MED12L: variants seen among roughly 807,000 people sequenced by gnomAD.
MED12L encodes the protein mediator complex subunit 12L.
MED12L carries 60 observed loss-of-function variants against 281.3 expected under a neutral mutation model. That is an observed-to-expected ratio of 0.21 (90% CI 0.17 to 0.26). The LOEUF (loss-of-function observed/expected upper bound fraction) is 0.26, where lower values mean the gene tolerates loss of function less well. Ranked by LOEUF, MED12L falls within the 10% of genes least tolerant of loss-of-function variation. The pLI is 1.00. For synonymous variants in MED12L, 974 were observed against 987.2 expected (o/e 0.99, Z 0.25); for missense variants, 2,146 against 2,680.9 (o/e 0.80, Z 4.41).
At chr3:151,327,946 A>G (rs1749847733) in intron 16 of MED12L, 2 of 1,332,064 alleles carry the variant, frequency 1.5e-6, no homozygotes, top group Non-Finnish European at 2.0e-6. Context: ...CACATTATCT[A>G]CGGAAGTCTC....
chr3:151,353,899 T>C (rs982528524), intron 17 of MED12L, among the ~76,000 whole-genome samples: 1 of 152,158 alleles, frequency 6.6e-6, no homozygotes, highest in African/African-American at 2.4e-5. Flanking sequence ...CCCAGCACTT[T>C]GGGAGGCCGA....
At chr3:151,376,967 C>T (rs368679087) in intron 29 of MED12L, 24 bp from the exon 30 acceptor site, 1 of 1,611,224 alleles carries the variant, frequency 6.2e-7, no homozygotes, top group Non-Finnish European at 8.5e-7. Flanking sequence ...ACATATGTGC[C>T]AGTATTCTTA....
At chr3:151,114,192 T>C (rs1241970134) in intron 2 of MED12L, among the ~76,000 whole-genome samples, 1 of 152,194 alleles carries the variant, frequency 6.6e-6, no homozygotes, top group African/African-American at 2.4e-5. Context: ...TATTTGAAAA[T>C]GTAGGAGCAG....
At chr3:151,196,151 A>G (rs1162733174) in intron 16 of MED12L, among the ~76,000 whole-genome samples, 2 of 152,224 alleles carry the variant, frequency 1.3e-5, no homozygotes, top group African/African-American at 4.8e-5. Flanking sequence ...AAGAGCTTAA[A>G]TGATTTTCAG....
intron 5 of MED12L, among the ~76,000 whole-genome samples, chr3:151,140,338 A>G (rs900327504): frequency 1.2e-4 from 18 of 152,234 alleles, no homozygotes; most frequent in Non-Finnish European, 2.2e-4. Flanking sequence ...ACATTGTTGT[A>G]CAACTGATTT....
At position 151,436,177 on chromosome 3, in the gene MED12L, T is replaced by C. The variant is rs1395876106; in HGVS notation, c.*3373T>C. On this transcript the variant is annotated 3_prime_UTR_variant, in exon 45 of 45. Coordinates refer to ENST00000687756, the MANE Select transcript of MED12L (RefSeq NM_001393769.1). ...GAAAATTTTCAGTGTGAACAAATGG[T>C]GAATCATAAGACAGTTCAGTGCTTA... 4 of 152,324 alleles carry C rather than the reference T, an allele frequency of 2.6e-5. No individual in the cohort carries two copies. The highest frequency in any genetic ancestry group is 5.9e-5 in the Non-Finnish European group (4 of 68,128). 9.4% of individuals were successfully genotyped at this position (152,324 alleles called of 1,614,324 possible). A position where few individuals can be genotyped will look rare whatever the true frequency, so the allele number is the denominator to read the frequency against.
At chr3:151,430,499 T>C (rs918597128) in intron 44 of MED12L, 119 bp downstream of exon 44, 2 of 1,434,288 alleles carry the variant, frequency 1.4e-6, no homozygotes, top group African/African-American at 1.4e-5. Flanking sequence ...AATGTTCATG[T>C]TATTTGGTTT....
intron 39 of MED12L, 33 bp from the exon 40 acceptor site, chr3:151,409,210 T>C (rs755864643): frequency 1.3e-6 from 2 of 1,538,304 alleles, no homozygotes; most frequent in Non-Finnish European, 1.8e-6. Flanking sequence ...CTTGCTGTTA[T>C]GATCAAGAGT....
rs75324209 is a variant in MED12L at position 151,292,137 on chromosome 3, A to T, written c.2251-57922A>T. ...CTGAATGGAGCCAGTTGATGCTGTT[A>T]AAGAGGTCATACATTTAATAGCTTA... is the stretch of plus-strand genomic sequence containing the variant. On this transcript the variant is annotated intron_variant, in intron 16 of 44. Coordinates refer to ENST00000687756, the MANE Select transcript of MED12L (RefSeq NM_001393769.1). 6.4e-3 allele frequency among the ~76,000 whole-genome samples: 975 copies of T among 152,318 alleles called. 15 individuals carry two copies. Among genetic ancestry groups the T allele is most frequent in the African/African-American group, 0.023 (941 of 41,568 alleles).
Position 151,436,189 on chromosome 3 carries a change from C to T in MED12L, c.*3385C>T, listed in dbSNP as rs1476506492. The T allele has an allele frequency of 6.5e-6, 1 of 153,084 alleles. No individual in the cohort carries two copies. The highest frequency in any genetic ancestry group is 2.4e-5 in the African/African-American group (1 of 41,526). 9.5% of individuals were successfully genotyped at this position (153,084 alleles called of 1,614,324 possible). ...TGTGAACAAATGGTGAATCATAAGACAGTTCAGTGCTTATTTTCTGTAGGT... is the reference window on the plus strand; with the variant it reads ...TGTGAACAAATGGTGAATCATAAGATAGTTCAGTGCTTATTTTCTGTAGGT... On this transcript the variant is annotated 3_prime_UTR_variant, in exon 45 of 45. Transcript: ENST00000687756.
intron 16 of MED12L, among the ~76,000 whole-genome samples, chr3:151,320,176 G>A (rs1229084125): frequency 6.6e-6 from 1 of 152,128 alleles, no homozygotes; most frequent in Non-Finnish European, 1.5e-5. Context: ...GGTAGGCATA[G>A]TATTTGTGTT....
chr3:151,389,487 G>T (rs1009588502), intron 37 of MED12L, among the ~76,000 whole-genome samples: 1 of 152,190 alleles, frequency 6.6e-6, no homozygotes, highest in African/African-American at 2.4e-5. Context: ...AAGCATGGGG[G>T]ATGAGGGGAG....
At position 151,183,473 on chromosome 3, in the gene MED12L, C is replaced by T. The variant is rs183728633; in HGVS notation, c.1495-1857C>T. 1.9e-3 allele frequency among the ~76,000 whole-genome samples: 290 copies of T among 152,270 alleles called. 3 individuals are homozygous for T. Among genetic ancestry groups the T allele is most frequent in the African/African-American group, 6.3e-3 (263 of 41,558 alleles). Reference sequence around the variant, plus strand: ...AGAATCGTGTGTGCTGTGTGTACACCGTGCTTGGTTTGCTGATCTTCAGAG... The same window carrying T: ...AGAATCGTGTGTGCTGTGTGTACACTGTGCTTGGTTTGCTGATCTTCAGAG... On this transcript the variant is annotated intron_variant, in intron 11 of 44. Transcript: ENST00000687756.
intron 16 of MED12L, among the ~76,000 whole-genome samples, chr3:151,220,114 C>T (rs1211144053): frequency 6.8e-6 from 1 of 147,862 alleles, no homozygotes; most frequent in African/African-American, 2.5e-5. Context: ...GTTCTGACTT[C>T]TGCCTACTAG....
At chr3:151,254,162 A>G (rs1334273825) in intron 16 of MED12L, among the ~76,000 whole-genome samples, 6 of 152,160 alleles carry the variant, frequency 3.9e-5, no homozygotes, top group African/African-American at 1.4e-4. Flanking sequence ...ATTTTTAGGT[A>G]TTAGTGCCTG....
Position 151,086,732 on chromosome 3 carries a change from C to T in MED12L, c.-129-66C>T. The T allele has an allele frequency of 3.9e-6, 2 of 512,728 alleles. 1 individual carries two copies. Among genetic ancestry groups the T allele is most frequent in the South Asian group, 5.2e-5 (2 of 38,100 alleles). 31.8% of individuals were successfully genotyped at this position (512,728 alleles called of 1,614,324 possible). A position where few individuals can be genotyped will look rare whatever the true frequency, so the allele number is the denominator to read the frequency against. Reference sequence around the variant, plus strand: ...GCCGAGTACCCGCCGAAGGCTGTCCCCATCAGTGCGTGTCTGCTGCCGGGC... The same window carrying T: ...GCCGAGTACCCGCCGAAGGCTGTCCTCATCAGTGCGTGTCTGCTGCCGGGC... On this transcript the variant is annotated intron_variant, in intron 1 of 44. Coordinates refer to ENST00000687756, the MANE Select transcript of MED12L (RefSeq NM_001393769.1).
At chr3:151,383,653 A>AT (rs2108154753) in intron 33 of MED12L, 126 bp from the exon 34 acceptor site, 1 of 605,284 alleles carries the variant, frequency 1.7e-6, no homozygotes, top group South Asian at 2.3e-5. Flanking sequence ...AAGATAAGGT[A>AT]ATCTATAAAC....
chr3:151,103,695 C>T (rs1454923126), intron 2 of MED12L, among the ~76,000 whole-genome samples: 1 of 152,188 alleles, frequency 6.6e-6, no homozygotes, highest in East Asian at 1.9e-4. Flanking sequence ...TTTCCACTTA[C>T]CCTTTACAGT....
chr3:151,289,617 A>G (rs1743987450), intron 16 of MED12L, among the ~76,000 whole-genome samples: 2 of 152,174 alleles, frequency 1.3e-5, no homozygotes, highest in Admixed American at 6.5e-5. Flanking sequence ...TAAGGGGCTG[A>G]TTTACATTCT....
Sources: allele counts gnomAD v4.1 joint callset (sites outside exome capture counted in the v4.1 genomes callset), GRCh38; gene constraint gnomAD v4.1.1; transcripts MANE v1.5; gene names NCBI Gene and HGNC (gene_info 2026-07-23, HGNC 2026-07-21).